Variants in MICU1 observed in about 807,000 individuals in gnomAD.
MICU1 encodes the protein calcium uptake protein 1, mitochondrial.
A neutral mutation model predicts 56.8 loss-of-function variants in MICU1; 45 were observed. The ratio of observed to expected loss-of-function variants is 0.79; its 90% CI spans 0.62 to 1.02. The LOEUF (loss-of-function observed/expected upper bound fraction) is 1.02, where lower values mean the gene tolerates loss of function less well. Among genes scored for constraint, MICU1 ranks in the 50% least tolerant of loss-of-function variants. The pLI, the probability that MICU1 is intolerant of heterozygous loss-of-function variation, is 0.00. For missense variants in MICU1, 504 were observed against 587.1 expected (o/e 0.86, Z 1.46); for synonymous variants, 186 against 195.1 (o/e 0.95, Z 0.39).
At chr10:72,492,390 G>C (rs1042462170) in intron 6 of MICU1, among the ~76,000 whole-genome samples, 2 of 152,132 alleles carry the variant, frequency 1.3e-5, no homozygotes, top group African/African-American at 4.8e-5. Flanking sequence ...AGTGAAAAAT[G>C]GTGGGGTTCT....
In MICU1 at chr10:72,477,172, G is replaced by A. The variant is rs1461396521; in HGVS notation, c.735+2C>T. 2 of 1,540,152 alleles carry A rather than the reference G, an allele frequency of 1.3e-6. No homozygotes were observed. Among genetic ancestry groups the A allele is most frequent in the Admixed American group, 2.0e-5 (1 of 48,888 alleles). On this transcript the variant is annotated splice_donor_variant, in intron 7 of 11. Transcript: ENST00000361114. LOFTEE classifies it low-confidence loss of function (GC_TO_GT_DONOR). ...TTAGAGGAACTCTCCAGGACAACTT[G>A]CCTGTTCAAATTCTTCCATATCTAC...
rs576860380 is a variant in MICU1, at chr10:72,414,391, G to A, written c.1072-6354C>T. ...AGAAAATAATAAACTATTAATATAA[G>A]CATCTACATAAAAATATTGTGCTAA... is the stretch of plus-strand genomic sequence containing the variant. On this transcript the variant is annotated intron_variant, in intron 9 of 11. Coordinates refer to ENST00000361114, the MANE Select transcript of MICU1 (RefSeq NM_001195518.2). Among the ~76,000 whole-genome samples, 3 of 151,984 alleles carry A rather than the reference G, an allele frequency of 2.0e-5. No homozygotes were observed. The East Asian group carries it at 5.8e-4, about 29-fold the overall frequency.
At chr10:72,552,231 G>C (rs1035312017) in intron 3 of MICU1, among the ~76,000 whole-genome samples, 1 of 152,136 alleles carries the variant, frequency 6.6e-6, no homozygotes, top group Non-Finnish European at 1.5e-5. Context: ...GCAAATGTTG[G>C]AATAGCAACA....
intron 1 of MICU1, chr10:72,583,062 G>A (rs1009292014): frequency 6.6e-6 from 1 of 151,712 alleles, no homozygotes; most frequent in Non-Finnish European, 1.5e-5. Context: ...GTCCATGCTG[G>A]GCAATGTAGC....
intron 5 of MICU1, among the ~76,000 whole-genome samples, chr10:72,526,710 T>C (rs1867972912): frequency 6.6e-6 from 1 of 152,144 alleles, no homozygotes; most frequent in Admixed American, 6.6e-5. Flanking sequence ...GTTAATAAAT[T>C]GTTTAGTTTA....
At chr10:72,522,925 A>C (rs1867865397) in intron 5 of MICU1, among the ~76,000 whole-genome samples, 1 of 152,172 alleles carries the variant, frequency 6.6e-6, no homozygotes, top group Admixed American at 6.6e-5. Flanking sequence ...TTTAATGTAA[A>C]AAGTTTATTC....
intron 1 of MICU1, among the ~76,000 whole-genome samples, chr10:72,604,024 A>C (rs529724150): frequency 1.1e-4 from 17 of 152,084 alleles, no homozygotes; most frequent in South Asian, 2.1e-4. Flanking sequence ...GCAAATAACT[A>C]ATTAGTAGTA....
chr10:72,478,573 G>A (rs945802112), intron 6 of MICU1, among the ~76,000 whole-genome samples: 3 of 152,150 alleles, frequency 2.0e-5, no homozygotes, highest in African/African-American at 7.2e-5. Flanking sequence ...AAGATTTTAT[G>A]CAGAGAAAAA....
At chr10:72,378,449 G>C (rs1237964370) in intron 10 of MICU1, among the ~76,000 whole-genome samples, 1 of 152,056 alleles carries the variant, frequency 6.6e-6, no homozygotes, top group South Asian at 2.1e-4. Flanking sequence ...TCTTCCTCCT[G>C]CTCTGGCCAT....
intron 9 of MICU1, among the ~76,000 whole-genome samples, chr10:72,419,451 C>A (rs1369356868): frequency 6.6e-6 from 1 of 152,206 alleles, no homozygotes; most frequent in South Asian, 2.1e-4. Flanking sequence ...TTCAGAGAAG[C>A]TGACACTTCC....
intron 2 of MICU1, among the ~76,000 whole-genome samples, chr10:72,564,155 C>T (rs928702164): frequency 1.3e-5 from 2 of 152,116 alleles, no homozygotes; most frequent in African/African-American, 2.4e-5. Flanking sequence ...GATAATAGAT[C>T]TGACTTCCTA....
chr10:72,485,057 C>T (rs543649966), intron 6 of MICU1, among the ~76,000 whole-genome samples: 1 of 151,972 alleles, frequency 6.6e-6, no homozygotes, highest in Non-Finnish European at 1.5e-5. Context: ...TGCTATCTGG[C>T]CCTTTAAGAA....
intron 1 of MICU1, among the ~76,000 whole-genome samples, chr10:72,592,014 G>GT (rs780078958): frequency 0.013 from 1,810 of 137,142 alleles, 9 homozygotes; most frequent in African/African-American, 0.025. Context: ...TGGTTTTTTT[G>GT]TTTTTTTTTT....
chr10:72,378,435 T>G (rs1201145867), intron 10 of MICU1, among the ~76,000 whole-genome samples: 1 of 152,098 alleles, frequency 6.6e-6, no homozygotes, highest in Non-Finnish European at 1.5e-5. Flanking sequence ...CTCCCACCTC[T>G]CTCTCTTCCT....
intron 8 of MICU1, among the ~76,000 whole-genome samples, chr10:72,438,415 T>G (rs1464718465): frequency 6.6e-6 from 1 of 152,068 alleles, no homozygotes; most frequent in Non-Finnish European, 1.5e-5. Context: ...AGAGGGAAAT[T>G]TATAGCACTA....
intron 10 of MICU1, among the ~76,000 whole-genome samples, chr10:72,389,993 G>A (rs1413103479): frequency 4.6e-5 from 7 of 152,182 alleles, no homozygotes; most frequent in Non-Finnish European, 1.0e-4. Flanking sequence ...AGTGCTAAAC[G>A]AAGAGACGCC....
At position 72,540,766 on chromosome 10, in the gene MICU1, T is replaced by C. The variant is rs142072189; in HGVS notation, c.494-6977A>G. ...CCCACTGACCTCTATGGAAAAGCCA[T>C]TGGGCTTTGTTGTGTAACTTGTTTT... On this transcript the variant is annotated intron_variant, in intron 4 of 11. Transcript: ENST00000361114. 3.2e-4 allele frequency among the ~76,000 whole-genome samples: 48 copies of C among 152,370 alleles called. No individual in the cohort carries two copies. The East Asian group carries it at 4.2e-3, about 13-fold the overall frequency.
At position 72,418,591 on chromosome 10, in the gene MICU1, G is replaced by A. The variant is rs551192245; in HGVS notation, c.1071+4643C>T. 4.6e-5 allele frequency among the ~76,000 whole-genome samples: 7 copies of A among 152,258 alleles called. No individual in the cohort carries two copies. In the East Asian group the frequency reaches 1.4e-3, roughly 29 times the overall value. ...AAGAGAAAAATGGCTGTGAAACATTGCATGGTCATTAATTTATATGCAAAA... is the reference window on the plus strand; with the variant it reads ...AAGAGAAAAATGGCTGTGAAACATTACATGGTCATTAATTTATATGCAAAA... On this transcript the variant is annotated intron_variant, in intron 9 of 11. Coordinates refer to ENST00000361114, the MANE Select transcript of MICU1 (RefSeq NM_001195518.2).
At chr10:72,371,467 G>C (rs373580171) in intron 11 of MICU1, among the ~76,000 whole-genome samples, 1 of 151,850 alleles carries the variant, frequency 6.6e-6, no homozygotes, top group African/African-American at 2.4e-5. Flanking sequence ...CCGAGGCCAG[G>C]CACGGTGCCT....
Sources: gnomAD v4.1 joint callset for allele counts (sites outside exome capture counted in the v4.1 genomes callset) on GRCh38, gnomAD v4.1.1 for gene constraint, MANE v1.5 for transcripts, NCBI Gene and HGNC (gene_info 2026-07-23, HGNC 2026-07-21) for gene names.